The following ATP13A4 variants were observed in gnomAD, a reference collection of about 807,000 sequenced individuals.
ATP13A4 encodes probable cation-transporting ATPase 13A4.
A neutral mutation model predicts 142.5 loss-of-function variants in ATP13A4; 114 were observed. The observed-to-expected ratio is 0.80, with a 90% CI of 0.69 to 0.93. The LOEUF (loss-of-function observed/expected upper bound fraction) is 0.93, where lower values mean the gene tolerates loss of function less well. Among genes scored for constraint, ATP13A4 ranks in the 40% least tolerant of loss-of-function variants. The pLI is 0.00. For missense variants in ATP13A4, 1,392 were observed against 1,454.0 expected (o/e 0.96, Z 0.69); for synonymous variants, 488 against 514.8 (o/e 0.95, Z 0.70).
In ATP13A4 at chr3:193,426,094, T is replaced by G. The variant is rs773056511; in HGVS notation, c.2842+7751A>C. ...AAGTAAAACCATCTCTATGCACTGA[T>G]GACAAGAGCCTACATACTGAAAATC... On this transcript the variant is annotated intron_variant, in intron 25 of 29. Coordinates refer to ENST00000342695, the MANE Select transcript of ATP13A4 (RefSeq NM_032279.4). 2.6e-5 allele frequency among the ~76,000 whole-genome samples: 4 copies of G among 151,776 alleles called. No homozygotes were observed. The East Asian group carries it at 7.7e-4, about 29-fold the overall frequency.
chr3:193,563,696 A>G (rs193262949), intron 2 of ATP13A4, among the ~76,000 whole-genome samples: 84 of 152,352 alleles, frequency 5.5e-4, no homozygotes, highest in African/African-American at 2.0e-3. Context: ...ACCACCGAAT[A>G]TATACCTAAA....
intron 2 of ATP13A4, among the ~76,000 whole-genome samples, chr3:193,508,863 T>C (rs916439522): frequency 1.5e-4 from 23 of 152,340 alleles, no homozygotes; most frequent in African/African-American, 5.5e-4. Context: ...TAGATTCAAC[T>C]TAATTCAACG....
At chr3:193,409,657 T>A (rs1191616823) in intron 28 of ATP13A4, among the ~76,000 whole-genome samples, 1 of 152,166 alleles carries the variant, frequency 6.6e-6, no homozygotes, top group East Asian at 1.9e-4. Flanking sequence ...TTAACAACAG[T>A]GGTAATTACA....
chr3:193,445,599 A>T (rs988183434), intron 18 of ATP13A4, among the ~76,000 whole-genome samples: 3 of 151,794 alleles, frequency 2.0e-5, no homozygotes, highest in African/African-American at 7.3e-5. Flanking sequence ...TCTACTAAAA[A>T]TACAAAAATT....
intron 5 of ATP13A4, among the ~76,000 whole-genome samples, chr3:193,492,454 T>C (rs960725153): frequency 3.3e-5 from 5 of 152,220 alleles, no homozygotes; most frequent in Non-Finnish European, 5.9e-5. Flanking sequence ...TCTTGCATGG[T>C]GTTCTGCTGC....
chr3:193,483,247 C>G (rs1211878868), intron 8 of ATP13A4, among the ~76,000 whole-genome samples: 2 of 151,874 alleles, frequency 1.3e-5, no homozygotes, highest in Non-Finnish European at 2.9e-5. Flanking sequence ...TAAATGATTG[C>G]CTGAGGGATG....
chr3:193,441,591 A>T lies in ATP13A4; in HGVS notation c.2317-3T>A, dbSNP rs1222888731. On this transcript the variant is annotated splice_region_variant and splice_polypyrimidine_tract_variant and intron_variant, in intron 19 of 29. Coordinates refer to ENST00000342695, the MANE Select transcript of ATP13A4 (RefSeq NM_032279.4). ...TCCCTGATGTTAATGTAATTGTCCT[A>T]CAAAGCAAGACACAGTTATTTTAGA... 1.2e-6 allele frequency: 2 copies of T among 1,612,890 alleles called. No homozygotes were observed. Among genetic ancestry groups the T allele is most frequent in the African/African-American group, 2.7e-5 (2 of 74,914 alleles).
In ATP13A4 at chr3:193,453,635, T is replaced by C. The variant is rs139858223; in HGVS notation, c.2027+466A>G. Among the ~76,000 whole-genome samples, 164 of 152,358 alleles carry C rather than the reference T, an allele frequency of 1.1e-3. 3 individuals are homozygous for C. The East Asian group carries it at 0.031, about 28-fold the overall frequency. Reference sequence around the variant, plus strand: ...TTTTTTGTAGATGTCACCAAGATTATATCATCTAAGCTGTATTTATTTGTT... The same window carrying C: ...TTTTTTGTAGATGTCACCAAGATTACATCATCTAAGCTGTATTTATTTGTT... On this transcript the variant is annotated intron_variant, in intron 17 of 29. Coordinates refer to ENST00000342695, the MANE Select transcript of ATP13A4 (RefSeq NM_032279.4).
Position 193,489,820 on chromosome 3 carries a change from C to A in ATP13A4, c.648G>T (p.Leu216Phe), listed in dbSNP as rs781198196. 1 of 1,611,902 alleles carries A rather than the reference C, an allele frequency of 6.2e-7. No homozygotes were observed. The highest frequency in any genetic ancestry group is 1.3e-5 in the African/African-American group (1 of 74,968). ...FYIFQLFSVC[L>F]WFSEDYKEYA... ...ATTCCTTATAGTCTTCACTAAACCA[C>A]AAACAGACACTGAAGAGTTGAAATA... The change falls in exon 7 of 30, where the codon TTG becomes TTT. Residue 216 changes from leucine to phenylalanine, a missense_variant. Physicochemically the swap from Leu to Phe is conservative, Grantham distance 22. Transcript: ENST00000342695.
chr3:193,573,623 T>C, intron 2 of ATP13A4, among the ~76,000 whole-genome samples: 1 of 151,976 alleles, frequency 6.6e-6, no homozygotes, highest in African/African-American at 2.4e-5. Flanking sequence ...TCCCCACCAC[T>C]CTAGGACTTC....
At chr3:193,569,709 T>G (rs1724218438) in intron 2 of ATP13A4, among the ~76,000 whole-genome samples, 1 of 151,850 alleles carries the variant, frequency 6.6e-6, no homozygotes, top group African/African-American at 2.4e-5. Context: ...AAAAAAAATT[T>G]TGTGTGTGTG....
chr3:193,461,756 G>A (rs541808072), intron 13 of ATP13A4, among the ~76,000 whole-genome samples: 25 of 152,254 alleles, frequency 1.6e-4, no homozygotes, highest in African/African-American at 1.4e-4. Context: ...AAACATAAAC[G>A]TCAAGTGCAT....
At chr3:193,550,882 T>C (rs1327805025) in intron 1 of ATP13A4, among the ~76,000 whole-genome samples, 5 of 152,296 alleles carry the variant, frequency 3.3e-5, no homozygotes, top group Admixed American at 2.6e-4. Flanking sequence ...TAGAATCAAT[T>C]AAGCCATGAT....
chr3:193,464,829 A>G lies in ATP13A4; in HGVS notation c.1461+111T>C, dbSNP rs961245514. Reference sequence around the variant, plus strand: ...ATGCATCTAACCAGGGATAAAATGAAGACAGGCACCCACATTCTATGTCTC... The same window carrying G: ...ATGCATCTAACCAGGGATAAAATGAGGACAGGCACCCACATTCTATGTCTC... On this transcript the variant is annotated intron_variant, in intron 12 of 29. Coordinates refer to ENST00000342695, the MANE Select transcript of ATP13A4 (RefSeq NM_032279.4). 4 of 1,174,720 alleles carry G rather than the reference A, an allele frequency of 3.4e-6. No individual in the cohort carries two copies. The African/African-American group carries it at 6.1e-5, about 18-fold the overall frequency. 72.8% of individuals were successfully genotyped at this position (1,174,720 alleles called of 1,614,324 possible).
chr3:193,430,604 G>C (rs964980726), intron 25 of ATP13A4, among the ~76,000 whole-genome samples: 1 of 151,990 alleles, frequency 6.6e-6, no homozygotes, highest in Non-Finnish European at 1.5e-5. Context: ...AATGAAAAAA[G>C]TCAAAGACAT....
At position 193,518,445 on chromosome 3, in the gene ATP13A4, C is replaced by G. The variant is rs1264011878; in HGVS notation, c.61-3574G>C. On this transcript the variant is annotated intron_variant, in intron 1 of 29. Coordinates refer to ENST00000342695, the MANE Select transcript of ATP13A4 (RefSeq NM_032279.4). ...GGGATATATCTAGATAAAAGAAAAC[C>G]ATATAGGAAGGAAAGCAAGGGAATG... Among the ~76,000 whole-genome samples, 9 of 152,004 alleles carry G rather than the reference C, an allele frequency of 5.9e-5. 1 individual carries two copies. The highest frequency in any genetic ancestry group is 5.9e-4 in the Admixed American group (9 of 15,268).
intron 8 of ATP13A4, among the ~76,000 whole-genome samples, chr3:193,483,189 A>C (rs750561118): frequency 1.3e-5 from 2 of 152,170 alleles, no homozygotes; most frequent in Non-Finnish European, 2.9e-5. Flanking sequence ...AATACCATTT[A>C]TGTATAATAT....
chr3:193,566,718 A>G (rs1406189588), intron 2 of ATP13A4, among the ~76,000 whole-genome samples: 1 of 152,146 alleles, frequency 6.6e-6, no homozygotes, highest in Non-Finnish European at 1.5e-5. Flanking sequence ...TCTCTTGCTA[A>G]CATCTTCAGT....
In ATP13A4 at chr3:193,401,441, T is replaced by C. The variant is rs1714258951; in HGVS notation, c.*1211A>G. Among the ~76,000 whole-genome samples, 2 of 152,150 alleles carry C rather than the reference T, an allele frequency of 1.3e-5. No homozygotes were observed. The highest frequency in any genetic ancestry group is 1.3e-4 in the Admixed American group (2 of 15,276). On this transcript the variant is annotated 3_prime_UTR_variant, in exon 30 of 30. Transcript: ENST00000342695. ...GTAAGAACTCCCATCAATAGTGCCA[T>C]ATAATGCTGTAGCATGAGACTAATG...
Sources: gnomAD v4.1 joint callset for allele counts (sites outside exome capture counted in the v4.1 genomes callset) on GRCh38, gnomAD v4.1.1 for gene constraint, MANE v1.5 for transcripts, NCBI Gene and HGNC (gene_info 2026-07-23, HGNC 2026-07-21) for gene names.